The following PRKDC variants were observed in gnomAD, a reference collection of about 807,000 sequenced individuals.
The protein encoded by PRKDC is DNA-dependent protein kinase catalytic subunit.
A neutral mutation model predicts 486.9 loss-of-function variants in PRKDC; 82 were observed. The observed-to-expected ratio is 0.17, with a 90% confidence interval of 0.14 to 0.20. The LOEUF is 0.20. Among genes scored for constraint, PRKDC ranks in the 10% least tolerant of loss-of-function variants. PRKDC has a pLI of 1.00. For synonymous variants in PRKDC, 1,895 were observed against 1,837.0 expected, an observed-to-expected ratio of 1.03 and a Z score of -0.81; for missense variants, 4,504 against 5,038.2, an observed-to-expected ratio of 0.89 and a Z score of 3.21.
At chr8:47,874,687 A>T (rs936674021) in intron 40 of PRKDC, among the ~76,000 whole-genome samples, 3 of 152,158 alleles carry the variant, frequency 2.0e-5, no homozygotes, top group African/African-American at 7.2e-5. Flanking sequence ...TGAACTCAGG[A>T]GGCAGAGACT....
In PRKDC at chr8:47,798,315, T is replaced by C; in HGVS notation, c.10380A>G (p.Glu3460=). The change falls in exon 73 of 86, where the codon GAA becomes GAG. Residue 3460 remains glutamate, a synonymous_variant. Coordinates refer to ENST00000314191, the MANE Select transcript of PRKDC (RefSeq NM_006904.7). ...GTAATCTAGGAAACTTCAATCTGGC[T>C]TCATTGGAATTTAATTTTAAAGCTT... is the stretch of plus-strand genomic sequence containing the variant. The part of the protein sequence containing the change: ...MLKALKLNSN[E]ARLKFPRLLQ... 6.2e-7 allele frequency: 1 copy of C among 1,613,688 alleles called. No homozygotes were observed. Among genetic ancestry groups the C allele is most frequent in the Non-Finnish European group, 8.5e-7 (1 of 1,179,758 alleles).
chr8:47,888,460 ATACAC>A, intron 34 of PRKDC, 53 bp downstream of exon 34: 2 of 1,380,298 alleles, frequency 1.4e-6, no homozygotes, highest in Admixed American at 2.9e-5. Context: ...ATATAAATAA[ATACAC>A]TAATTATCAT....
At chr8:47,873,773 G>A (rs189312903) in intron 40 of PRKDC, among the ~76,000 whole-genome samples, 31 of 152,140 alleles carry the variant, frequency 2.0e-4, no homozygotes, top group East Asian at 7.7e-4. Flanking sequence ...CAATCTTTGC[G>A]CGTTCTCACT....
chr8:47,936,824 C>T (rs924862309), intron 11 of PRKDC, among the ~76,000 whole-genome samples: 2 of 149,814 alleles, frequency 1.3e-5, no homozygotes, highest in African/African-American at 4.9e-5. Flanking sequence ...AGGGTTTCTC[C>T]GTGTTGGTCA....
chr8:47,946,422 C>T (rs2090532816), intron 7 of PRKDC, among the ~76,000 whole-genome samples: 1 of 152,084 alleles, frequency 6.6e-6, no homozygotes, highest in Admixed American at 6.5e-5. Flanking sequence ...CAAATGGCCT[C>T]CACTTCCTCC....
chr8:47,807,672 C>A (rs964906016), intron 68 of PRKDC, among the ~76,000 whole-genome samples: 21 of 150,926 alleles, frequency 1.4e-4, no homozygotes, highest in Non-Finnish European at 1.8e-4. Context: ...GCCACCTTGG[C>A]CTCCCAAAGT....
intron 7 of PRKDC, among the ~76,000 whole-genome samples, chr8:47,945,985 G>T (rs985999779): frequency 6.6e-6 from 1 of 151,638 alleles, no homozygotes; most frequent in African/African-American, 2.4e-5. Context: ...GCCTCCCAAA[G>T]TGCCGGGATT....
At chr8:47,917,801 C>CA (rs943239138) in intron 22 of PRKDC, among the ~76,000 whole-genome samples, 3 of 151,914 alleles carry the variant, frequency 2.0e-5, no homozygotes, top group Non-Finnish European at 4.4e-5. Context: ...AAAACAAGAC[C>CA]AAAAAAATAA....
intron 54 of PRKDC, among the ~76,000 whole-genome samples, chr8:47,845,407 GAGAC>G (rs2088242654): frequency 1.3e-5 from 2 of 152,146 alleles, no homozygotes; most frequent in Admixed American, 6.6e-5. Context: ...GAGGGAGACA[GAGAC>G]AGACAGACAG....
intron 10 of PRKDC, among the ~76,000 whole-genome samples, chr8:47,940,332 G>T (rs778374325): frequency 2.0e-5 from 3 of 152,210 alleles, no homozygotes; most frequent in Non-Finnish European, 4.4e-5. Context: ...GAGCCTAAAT[G>T]CAAGAACTAA....
At chr8:47,897,339 A>G (rs773850323) in intron 29 of PRKDC, 45 bp from the exon 30 acceptor site, 1 of 1,492,444 alleles carries the variant, frequency 6.7e-7, no homozygotes, top group Admixed American at 1.9e-5. Flanking sequence ...TCCAACATGC[A>G]ACATTCAGCT....
rs774534796 is a variant in PRKDC at position 47,879,524 on chromosome 8, C to T, written c.5202G>A (p.Pro1734=). Residue 1734 remains proline (P), a synonymous_variant, in exon 39 of 86, where the codon CCG becomes CCA. Transcript: ENST00000314191. ...MQSREFPPGT[P]RFNNYVDCMK... Reference sequence around the variant, plus strand: ...TGCAGTCCACATAATTATTGAACCGCGGAGTTCCTGGAGGAAATTCCCTGG... The same window carrying T: ...TGCAGTCCACATAATTATTGAACCGTGGAGTTCCTGGAGGAAATTCCCTGG... 54 of 1,597,254 alleles carry T rather than the reference C, an allele frequency of 3.4e-5. No individual in the cohort carries two copies. Among genetic ancestry groups the T allele is most frequent in the East Asian group, 4.5e-5 (2 of 44,392 alleles).
intron 52 of PRKDC, among the ~76,000 whole-genome samples, chr8:47,852,261 G>A (rs939558853): frequency 2.6e-5 from 4 of 152,194 alleles, no homozygotes; most frequent in African/African-American, 9.6e-5. Context: ...GGGTCGCCTG[G>A]GAGATCCCTG....
At chr8:47,933,686 C>G (rs1470729630) in intron 15 of PRKDC, among the ~76,000 whole-genome samples, 1 of 152,208 alleles carries the variant, frequency 6.6e-6, no homozygotes, top group Admixed American at 6.5e-5. Flanking sequence ...AACAGCTTAG[C>G]ATGAGCTATA....
intron 30 of PRKDC, among the ~76,000 whole-genome samples, chr8:47,896,784 G>A (rs1302155102): frequency 6.6e-6 from 1 of 152,184 alleles, no homozygotes; most frequent in East Asian, 1.9e-4. Context: ...TCTGTCCTGA[G>A]CACAGCTTCC....
At chr8:47,832,058 G>A in intron 59 of PRKDC, 132 bp from the exon 60 acceptor site, 1 of 734,224 alleles carries the variant, frequency 1.4e-6, no homozygotes, top group South Asian at 1.7e-5. Flanking sequence ...GAGCAGGAGT[G>A]CAGGGGCCAC....
intron 40 of PRKDC, among the ~76,000 whole-genome samples, chr8:47,875,774 G>A (rs1437149371): frequency 3.3e-5 from 5 of 152,194 alleles, no homozygotes; most frequent in Non-Finnish European, 7.4e-5. Flanking sequence ...AACATGCTTT[G>A]TATGATTTCA....
chr8:47,885,549 A>C (rs1161885974), intron 36 of PRKDC, among the ~76,000 whole-genome samples: 1 of 152,172 alleles, frequency 6.6e-6, no homozygotes, highest in Non-Finnish European at 1.5e-5. Context: ...GTCTTGTCAT[A>C]CTTTAATGAA....
intron 22 of PRKDC, among the ~76,000 whole-genome samples, chr8:47,916,298 A>G (rs1168563421): frequency 6.6e-6 from 1 of 152,044 alleles, no homozygotes; most frequent in Non-Finnish European, 1.5e-5. Context: ...AAATAAAACA[A>G]TTAGCCAGGC....
Sources: allele counts gnomAD v4.1 joint callset (sites outside exome capture counted in the v4.1 genomes callset), GRCh38; gene constraint gnomAD v4.1.1; transcripts MANE v1.5; gene names NCBI Gene and HGNC (gene_info 2026-07-23, HGNC 2026-07-21).